Variants in LENG1 observed in about 807,000 individuals in gnomAD.
LENG1 encodes leukocyte receptor cluster (LRC) member 1.
Under a neutral mutation model 28.8 loss-of-function variants are expected in LENG1, and 35 were observed. The ratio of observed to expected loss-of-function variants is 1.22; its 90% CI spans 0.93 to 1.61. LENG1 has a LOEUF of 1.61. LENG1 is among the 40% of genes most tolerant of loss of function. The pLI is 0.00. For synonymous variants in LENG1, 170 were observed against 140.6 expected (o/e 1.21, Z -1.48); for missense variants, 404 against 348.9 (o/e 1.16, Z -1.26).
At position 54,159,694 on chromosome 19, in the gene LENG1, ATGGCGTCGTAGCTGTCCAGGGAC is replaced by A. The variant is rs747589270; in HGVS notation, c.-22_1del. ...CCAGCTCTTCTTGGGCAAGATATTC[ATGGCGTCGTAGCTGTCCAGGGAC>A]TGGCACGCCCGCCTCTTTGCACTTC... On this transcript the variant is annotated start_lost and start_retained_variant and 5_prime_UTR_variant, in exon 1 of 4. Transcript: ENST00000222224. The A allele has an allele frequency of 2.9e-5, 47 of 1,608,170 alleles. No individual in the cohort carries two copies. Among genetic ancestry groups the A allele is most frequent in the South Asian group, 2.9e-4 (26 of 90,236 alleles).
chr19:54,159,128 A>G (rs1403419270), intron 1 of LENG1, among the ~76,000 whole-genome samples: 4 of 152,212 alleles, frequency 2.6e-5, no homozygotes, highest in African/African-American at 9.6e-5. Context: ...TGCAACAGAG[A>G]TGACAGTGCC....
chr19:54,159,524 C>G (rs922935092), intron 1 of LENG1, 40 bp downstream of exon 1: 1 of 1,491,530 alleles, frequency 6.7e-7, no homozygotes, highest in African/African-American at 1.4e-5. Context: ...CGCCTGCGCG[C>G]TGGGCCCCGG....
chr19:54,156,604 A>G (rs1421902767), intron 3 of LENG1, among the ~76,000 whole-genome samples, 159 bp downstream of exon 3: 1 of 152,026 alleles, frequency 6.6e-6, no homozygotes, highest in Non-Finnish European at 1.5e-5. Context: ...CAGGACCCCT[A>G]GGGCTCCCTG....
At chr19:54,157,827 C>T (rs920531934) in intron 2 of LENG1, among the ~76,000 whole-genome samples, 3 of 152,144 alleles carry the variant, frequency 2.0e-5, no homozygotes, top group Admixed American at 6.6e-5. Flanking sequence ...CTGGGTCAAG[C>T]GATTCTCCTG....
Position 54,159,565 on chromosome 19 carries a change from T to A in LENG1, c.131A>T (p.Glu44Val). Reference protein sequence around the residue: ...RERRVLLAQQEARTEFLRKKA... With the variant: ...RERRVLLAQQVARTEFLRKKA... ...CGCCCTGCCGGCTTCCGAGCTTACCTCTTGCTGAGCCAGCAGCACCCTCCG... is the reference window on the plus strand; with the variant it reads ...CGCCCTGCCGGCTTCCGAGCTTACCACTTGCTGAGCCAGCAGCACCCTCCG... Residue 44 changes from glutamate (E) to valine (V), a missense_variant and splice_region_variant, in exon 1 of 4, where the codon GAG (glutamate) becomes GTG (valine). Physicochemically the swap from Glu to Val is moderately radical, Grantham distance 121. Transcript: ENST00000222224. 1 of 1,569,976 alleles carries A rather than the reference T, an allele frequency of 6.4e-7. No individual in the cohort carries two copies. The highest frequency in any genetic ancestry group is 8.6e-7 in the Non-Finnish European group (1 of 1,158,554).
In LENG1 at chr19:54,156,068, A is replaced by T. The variant is rs1260352715; in HGVS notation, c.576-128T>A. 4 of 816,510 alleles carry T rather than the reference A, an allele frequency of 4.9e-6. No individual in the cohort carries two copies. The African/African-American group carries it at 5.2e-5, about 11-fold the overall frequency. 50.6% of individuals were successfully genotyped at this position (816,510 alleles called of 1,614,324 possible). ...CAGCACACCCCAGCCTCAGCTCCTTAGGCCTGCTGGAAGCAGCCACTTGGT... is the reference window on the plus strand; with the variant it reads ...CAGCACACCCCAGCCTCAGCTCCTTTGGCCTGCTGGAAGCAGCCACTTGGT... On this transcript the variant is annotated intron_variant, in intron 3 of 3. Coordinates refer to ENST00000222224, the MANE Select transcript of LENG1 (RefSeq NM_024316.3).
At position 54,158,496 on chromosome 19, in the gene LENG1, C is replaced by T. The variant is rs368797762; in HGVS notation, c.133-35G>A. 14 of 1,589,254 alleles carry T rather than the reference C, an allele frequency of 8.8e-6. No individual in the cohort carries two copies. The African/African-American group carries it at 1.6e-4, about 18-fold the overall frequency. On this transcript the variant is annotated intron_variant, in intron 1 of 3. Transcript: ENST00000222224. Reference sequence around the variant, plus strand: ...AAGTTATAGGCAGGACATTCAGAACCTAGAGGTAATTCAAGAACTGTGAGT... The same window carrying T: ...AAGTTATAGGCAGGACATTCAGAACTTAGAGGTAATTCAAGAACTGTGAGT...
At chr19:54,157,220 G>A (rs530630680) in intron 2 of LENG1, among the ~76,000 whole-genome samples, 195 bp from the exon 3 acceptor site, 1 of 152,288 alleles carries the variant, frequency 6.6e-6, no homozygotes, top group African/African-American at 2.4e-5. Flanking sequence ...AACAGCAGGG[G>A]AAGGAGGGGA....
At chr19:54,159,453 G>C (rs1600539300) in intron 1 of LENG1, 111 bp downstream of exon 1, 2 of 1,222,046 alleles carry the variant, frequency 1.6e-6, no homozygotes, top group Non-Finnish European at 1.1e-6. Context: ...GCCTGGTCCC[G>C]AATTTCACAC....
At chr19:54,156,017 C>G in intron 3 of LENG1, 77 bp from the exon 4 acceptor site, 1 of 1,335,442 alleles carries the variant, frequency 7.5e-7, no homozygotes, top group Non-Finnish European at 1.0e-6. Context: ...ATAGAGGGAG[C>G]TGCCGCCTGG....
intron 1 of LENG1, 34 bp from the exon 2 acceptor site, chr19:54,158,495 C>T: frequency 6.3e-7 from 1 of 1,590,048 alleles, no homozygotes; most frequent in Non-Finnish European, 8.6e-7. Context: ...ACATTCAGAA[C>T]CTAGAGGTAA....
chr19:54,158,212 A>G (rs2075430489), intron 2 of LENG1, 70 bp downstream of exon 2: 8 of 1,402,568 alleles, frequency 5.7e-6, no homozygotes, highest in Non-Finnish European at 6.0e-6. Context: ...GTCACAACCA[A>G]TGGCTAAAGT....
rs2075438137 is a variant in LENG1, at chr19:54,158,472, A to G, written c.133-11T>C. On this transcript the variant is annotated splice_polypyrimidine_tract_variant and intron_variant, in intron 1 of 3. Coordinates refer to ENST00000222224, the MANE Select transcript of LENG1 (RefSeq NM_024316.3). Reference sequence around the variant, plus strand: ...GAATTCTGTACGGGCCTGGGGAGAAAGTTATAGGCAGGACATTCAGAACCT... The same window carrying G: ...GAATTCTGTACGGGCCTGGGGAGAAGGTTATAGGCAGGACATTCAGAACCT... The G allele has an allele frequency of 3.7e-6, 6 of 1,609,202 alleles. No homozygotes were observed. Among genetic ancestry groups the G allele is most frequent in the Non-Finnish European group, 4.2e-6 (5 of 1,177,040 alleles).
In LENG1 at chr19:54,158,276, G is replaced by A; in HGVS notation, c.312+6C>T. On this transcript the variant is annotated splice_donor_region_variant and intron_variant, in intron 2 of 3. Coordinates refer to ENST00000222224, the MANE Select transcript of LENG1 (RefSeq NM_024316.3). ...CCCTCTGATGAAGTGGGTGAGGCCA[G>A]CTTACTTTCTCCTGTCGCTTTTCTT... 6.2e-7 allele frequency: 1 copy of A among 1,612,094 alleles called. No individual in the cohort carries two copies. The highest frequency in any genetic ancestry group is 8.5e-7 in the Non-Finnish European group (1 of 1,178,324).
intron 1 of LENG1, among the ~76,000 whole-genome samples, 159 bp from the exon 2 acceptor site, chr19:54,158,620 G>C (rs1178593896): frequency 6.6e-6 from 1 of 152,210 alleles, no homozygotes; most frequent in Non-Finnish European, 1.5e-5. Context: ...CTGGGGGTGA[G>C]GGTAGGCAGA....
chr19:54,158,695 ATGGGAGGAGGT>A (rs2075443101), intron 1 of LENG1, among the ~76,000 whole-genome samples: 1 of 152,182 alleles, frequency 6.6e-6, no homozygotes, highest in Non-Finnish European at 1.5e-5. Context: ...TCAAGGATGT[ATGGGAGGAGGT>A]CCCTGGCCTA....
At chr19:54,158,954 G>GT (rs2075447597) in intron 1 of LENG1, among the ~76,000 whole-genome samples, 1 of 152,234 alleles carries the variant, frequency 6.6e-6, no homozygotes, top group African/African-American at 2.4e-5. Flanking sequence ...GGAAATGAAA[G>GT]TTGGGTGTAC....
rs1450683388 is a variant in LENG1 at position 54,159,652 on chromosome 19, T to C, written c.44A>G (p.Asp15Gly). 3 of 1,613,466 alleles carry C rather than the reference T, an allele frequency of 1.9e-6. No individual in the cohort carries two copies. In the African/African-American group the frequency reaches 4.0e-5, roughly 22 times the overall value. Residue 15 changes from aspartate to glycine, a missense_variant, in exon 1 of 4, where the codon GAC (aspartate) becomes GGC (glycine). Asp to Gly is a moderately conservative substitution (Grantham distance 94, BLOSUM62 -1). Coordinates refer to ENST00000222224, the MANE Select transcript of LENG1 (RefSeq NM_024316.3). The part of the protein sequence containing the change: ...PKKSWHVRNK[D>G]NVARVRRDEA... ...GTCACGCCGCACGCGGGCGACATTG[T>C]CCTTGTTCCGGACGTGCCAGCTCTT...
rs1365295997 is a variant in LENG1, at chr19:54,157,155, G to A, written c.313-130C>T. 7 of 678,494 alleles carry A rather than the reference G, an allele frequency of 1.0e-5. No individual in the cohort carries two copies. In the Admixed American group the frequency reaches 2.6e-4, roughly 25 times the overall value. The allele number at this position is 678,494 out of a possible 1,614,324, so 42.0% of individuals were successfully genotyped here. A position where few individuals can be genotyped will look rare whatever the true frequency, so the allele number is the denominator to read the frequency against. ...TGAACCAGTTGGACCAGGTGCTGGG[G>A]ATGGAAGACAAACAGAGGCAAAGCT... On this transcript the variant is annotated intron_variant, in intron 2 of 3. Transcript: ENST00000222224.
Sources: gnomAD v4.1 joint callset for allele counts (sites outside exome capture counted in the v4.1 genomes callset) on GRCh38, gnomAD v4.1.1 for gene constraint, MANE v1.5 for transcripts, NCBI Gene and HGNC (gene_info 2026-07-23, HGNC 2026-07-21) for gene names.